The following NOTCH2 variants were observed in gnomAD, a reference collection of about 807,000 sequenced individuals.
NOTCH2 encodes the protein neurogenic locus notch homolog protein 2.
NOTCH2 carries 29 observed loss-of-function variants against 235.8 expected under a neutral mutation model. That is an observed-to-expected ratio of 0.12 (90% CI 0.09 to 0.17). The LOEUF is 0.17. Ranked by LOEUF, NOTCH2 falls within the 10% of genes least tolerant of loss-of-function variation. The pLI is 1.00. For synonymous variants in NOTCH2, 1,086 were observed against 1,141.5 expected (o/e 0.95, Z 0.98); for missense variants, 2,285 against 3,150.2 (o/e 0.73, Z 6.57).
In NOTCH2 at chr1:119,955,067, T is replaced by C. The variant is rs782070613; in HGVS notation, c.2192A>G (p.His731Arg). The change falls in exon 13 of 34, where the codon CAT becomes CGT. Residue 731 changes from histidine (H) to arginine (R), a missense_variant. This residue lies in a region of NOTCH2 where 1,173 missense variants were observed against 1,515.3 expected (regional missense o/e 0.77). Transcript: ENST00000256646. ...ACTGAGACCTCCAGTACAGTTTCCA[T>C]GGATGCAGGGATTGCTCAGGCATTC... The part of the protein sequence containing the change: ...VNECLSNPCI[H>R]GNCTGGLSGY... 2.2e-5 allele frequency: 35 copies of C among 1,613,852 alleles called. No homozygotes were observed. The highest frequency in any genetic ancestry group is 5.3e-5 in the African/African-American group (4 of 74,900).
At chr1:120,001,283 C>A (rs587602073) in intron 3 of NOTCH2, among the ~76,000 whole-genome samples, 4 of 151,956 alleles carry the variant, frequency 2.6e-5, no homozygotes, top group Non-Finnish European at 5.9e-5. Context: ...CCAACTATCC[C>A]GAGGGAAACT....
At chr1:119,966,536 T>C (rs1553199698) in intron 8 of NOTCH2, 47 bp from the exon 9 acceptor site, 1 of 1,350,348 alleles carries the variant, frequency 7.4e-7, no homozygotes, top group Non-Finnish European at 1.1e-6. Context: ...GAGAAAGGTG[T>C]ATTCCAGACA....
chr1:120,011,658 C>T (rs1361138154), intron 2 of NOTCH2, among the ~76,000 whole-genome samples: 4 of 152,102 alleles, frequency 2.6e-5, no homozygotes, highest in East Asian at 3.9e-4. Context: ...TTGTATTACT[C>T]GCTCCAGTGC....
chr1:119,938,144 G>A lies in NOTCH2; in HGVS notation c.3184-134C>T, dbSNP rs587668858. 79 of 972,846 alleles carry A rather than the reference G, an allele frequency of 8.1e-5. No individual in the cohort carries two copies. The African/African-American group carries it at 1.2e-3, about 15-fold the overall frequency. The allele number at this position is 972,846 out of a possible 1,614,324, so 60.3% of individuals were successfully genotyped here. Reference sequence around the variant, plus strand: ...GAAAAAGAGCCTTCATCTAGTAAAAGAGCCCTTAAACTAGATTCAGTGTTC... The same window carrying A: ...GAAAAAGAGCCTTCATCTAGTAAAAAAGCCCTTAAACTAGATTCAGTGTTC... On this transcript the variant is annotated intron_variant, in intron 19 of 33. Coordinates refer to ENST00000256646, the MANE Select transcript of NOTCH2 (RefSeq NM_024408.4).
chr1:119,920,107 C>G, intron 30 of NOTCH2, 122 bp downstream of exon 30: 1 of 1,047,144 alleles, frequency 9.5e-7, no homozygotes, highest in Non-Finnish European at 1.4e-6. Flanking sequence ...TTTCCTCGAG[C>G]TGATTTAGAG....
intron 5 of NOTCH2, among the ~76,000 whole-genome samples, chr1:119,973,508 T>C (rs970907946): frequency 1.6e-4 from 25 of 152,252 alleles, no homozygotes; most frequent in Non-Finnish European, 2.9e-4. Context: ...GAGTGCTGCA[T>C]TGAAACCCGG....
chr1:120,011,571 G>A (rs1553206937), intron 2 of NOTCH2, among the ~76,000 whole-genome samples: 2 of 152,136 alleles, frequency 1.3e-5, no homozygotes, highest in East Asian at 1.9e-4. Flanking sequence ...GTATATACCC[G>A]AAGTAACTGA....
chr1:120,017,833 CT>C (rs1653507858), intron 2 of NOTCH2, among the ~76,000 whole-genome samples: 1 of 151,202 alleles, frequency 6.6e-6, no homozygotes, highest in Non-Finnish European at 1.5e-5. Flanking sequence ...CTCATTCCCT[CT>C]TGCACTTTTA....
intron 1 of NOTCH2, among the ~76,000 whole-genome samples, chr1:120,037,676 A>G (rs1230782633): frequency 1.3e-5 from 2 of 151,912 alleles, no homozygotes; most frequent in Non-Finnish European, 2.9e-5. Context: ...TTAAAAGGAA[A>G]AAAAAAAACA....
At position 119,967,821 on chromosome 1, in the gene NOTCH2, G is replaced by A. The variant is rs1383116365; in HGVS notation, c.1265-200C>T. 2.6e-5 allele frequency among the ~76,000 whole-genome samples: 4 copies of A among 152,076 alleles called. No individual in the cohort carries two copies. In the South Asian group the frequency reaches 8.3e-4, roughly 32 times the overall value. ...ACTGTTATGCATTTCTGCTATTGCA[G>A]TTTCTGCCCAAACTGTCATTGAGGT... On this transcript the variant is annotated intron_variant, in intron 7 of 33. Coordinates refer to ENST00000256646, the MANE Select transcript of NOTCH2 (RefSeq NM_024408.4).
chr1:119,947,727 C>T (rs1455250932), intron 17 of NOTCH2, among the ~76,000 whole-genome samples: 1 of 152,126 alleles, frequency 6.6e-6, no homozygotes, highest in Non-Finnish European at 1.5e-5. Flanking sequence ...TTGTAATATC[C>T]CCAAATTGGA....
chr1:119,956,169 C>A (rs1650691318), intron 12 of NOTCH2, among the ~76,000 whole-genome samples: 1 of 152,122 alleles, frequency 6.6e-6, no homozygotes, highest in Admixed American at 6.5e-5. Context: ...ATTTCTTAGG[C>A]TGAATAAAGT....
At chr1:119,938,035 T>C (rs1553195989) in intron 19 of NOTCH2, 25 bp from the exon 20 acceptor site, 2 of 1,612,554 alleles carry the variant, frequency 1.2e-6, no homozygotes, top group Non-Finnish European at 1.7e-6. Context: ...GGGGTGTACA[T>C]ACATCAAAAT....
chr1:119,947,329 C>T (rs1650295095), intron 17 of NOTCH2, among the ~76,000 whole-genome samples: 1 of 152,086 alleles, frequency 6.6e-6, no homozygotes, highest in African/African-American at 2.4e-5. Flanking sequence ...AAGAAGACAA[C>T]CTAATTATTT....
Position 119,940,744 on chromosome 1 carries a change from A to G in NOTCH2, c.2994T>C (p.Asn998=), listed in dbSNP as rs1553196355. The G allele has an allele frequency of 6.2e-7, 1 of 1,614,166 alleles. No homozygotes were observed. Among genetic ancestry groups the G allele is most frequent in the South Asian group, 1.1e-5 (1 of 91,090 alleles). The stretch of plus-strand genomic sequence containing the variant: ...TAATCCCATCAACACATGTGCCACC[A>G]TTGAAACAGGAGCTAAGAAGCAAAC... The part of the protein sequence containing the change: ...INECTESSCF[N]GGTCVDGINS... Residue 998 remains asparagine (N), a synonymous_variant, in exon 19 of 34, where the codon AAT becomes AAC. Transcript: ENST00000256646.
intron 5 of NOTCH2, among the ~76,000 whole-genome samples, chr1:119,986,287 G>T (rs1553202208): frequency 6.6e-6 from 1 of 152,126 alleles, no homozygotes; most frequent in Admixed American, 6.6e-5. Flanking sequence ...GACATAAAGA[G>T]AAATTAGAAC....
chr1:119,989,064 T>C (rs1164477790), intron 4 of NOTCH2, among the ~76,000 whole-genome samples: 2 of 152,036 alleles, frequency 1.3e-5, no homozygotes, highest in Non-Finnish European at 2.9e-5. Flanking sequence ...AGAAGGGAGG[T>C]AGGTAAGACA....
rs756949183 is a variant in NOTCH2 at position 119,916,618 on chromosome 1, T to A, written c.6104A>T (p.Asn2035Ile). Residue 2035 changes from asparagine (N) to isoleucine (I), a missense_variant, in exon 34 of 34, where the codon AAT becomes ATT. This residue lies in a region of NOTCH2 where 128 missense variants were observed against 255.9 expected (regional missense o/e 0.50). Coordinates refer to ENST00000256646, the MANE Select transcript of NOTCH2 (RefSeq NM_024408.4). ...ATCCATATGGTCTGTGATGTCTCGATTGGCAAAATGGTCTAACAGGATCTT... is the reference window on the plus strand; with the variant it reads ...ATCCATATGGTCTGTGATGTCTCGAATGGCAAAATGGTCTAACAGGATCTT... ...AAKILLDHFANRDITDHMDRL... is the reference protein window; with the variant it reads ...AAKILLDHFAIRDITDHMDRL... 2 of 1,614,048 alleles carry A rather than the reference T, an allele frequency of 1.2e-6. No homozygotes were observed. Among genetic ancestry groups the A allele is most frequent in the African/African-American group, 2.7e-5 (2 of 74,912 alleles).
chr1:119,980,441 C>T (rs1361460076), intron 5 of NOTCH2, among the ~76,000 whole-genome samples: 4 of 152,156 alleles, frequency 2.6e-5, no homozygotes, highest in Non-Finnish European at 5.9e-5. Flanking sequence ...CATAACCCTG[C>T]GTTGTGTCTC....
Sources: allele counts gnomAD v4.1 joint callset (sites outside exome capture counted in the v4.1 genomes callset), GRCh38; gene constraint gnomAD v4.1.1; regional missense constraint gnomAD v4.1.1; transcripts MANE v1.5; gene names NCBI Gene and HGNC (gene_info 2026-07-23, HGNC 2026-07-21).